The following PCDHA10 variants were observed in gnomAD, a reference collection of about 807,000 sequenced individuals.
PCDHA10 encodes protocadherin alpha 10, also known as protocadherin alpha-10.
Under a neutral mutation model 61.2 loss-of-function variants are expected in PCDHA10, and 45 were observed. The observed-to-expected ratio is 0.74, with a 90% confidence interval of 0.58 to 0.94. The LOEUF (loss-of-function observed/expected upper bound fraction) is 0.94. Ranked by LOEUF, PCDHA10 falls within the 40% of genes least tolerant of loss-of-function variation. The pLI, the probability that PCDHA10 is intolerant of heterozygous loss-of-function variation, is 0.00. For missense variants in PCDHA10, 1,278 were observed against 1,236.2 expected (o/e 1.03, Z -0.51); for synonymous variants, 602 against 548.8 (o/e 1.10, Z -1.35).
chr5:140,886,251 T>A (rs189086759), intron 1 of PCDHA10, among the ~76,000 whole-genome samples: 397 of 152,156 alleles, frequency 2.6e-3, no homozygotes, highest in Non-Finnish European at 4.1e-3. Flanking sequence ...AATAAAAGTA[T>A]CTCTATTTAT....
rs564801749 is a variant in PCDHA10, at chr5:140,919,703, A to G, written c.2389-59246A>G. Among the ~76,000 whole-genome samples the G allele has an allele frequency of 6.4e-4, 98 of 152,318 alleles. No individual in the cohort carries two copies. In the South Asian group the frequency reaches 0.011, roughly 16 times the overall value. ...TCTGCTTCAGATTTATATTAACTTA[A>G]TTCTAGTGAGATATAAATATGTTAC... On this transcript the variant is annotated intron_variant, in intron 1 of 3. Transcript: ENST00000307360.
chr5:141,007,831 C>T (rs1347788424), intron 3 of PCDHA10, among the ~76,000 whole-genome samples: 2 of 152,296 alleles, frequency 1.3e-5, no homozygotes, highest in East Asian at 3.9e-4. Context: ...CAAGTAGCTA[C>T]CCATTAGAGA....
intron 1 of PCDHA10, among the ~76,000 whole-genome samples, chr5:140,905,229 G>A (rs2071688415): frequency 6.6e-6 from 1 of 152,156 alleles, no homozygotes; most frequent in African/African-American, 2.4e-5. Flanking sequence ...TGAGAGATGA[G>A]GATCCAGTTT....
At chr5:140,897,833 C>T (rs1366388258) in intron 1 of PCDHA10, among the ~76,000 whole-genome samples, 14 of 152,138 alleles carry the variant, frequency 9.2e-5, no homozygotes, top group African/African-American at 3.4e-4. Flanking sequence ...TATTTCTCCA[C>T]ATCCTCTCCA....
intron 1 of PCDHA10, chr5:140,861,489 T>C (rs1263329401): frequency 2.0e-6 from 1 of 487,812 alleles, no homozygotes; most frequent in Non-Finnish European, 4.2e-6. Flanking sequence ...TTTTGTGAGT[T>C]CTCTGATAGA....
At chr5:140,930,902 T>C (rs1474835953) in intron 1 of PCDHA10, among the ~76,000 whole-genome samples, 1 of 152,212 alleles carries the variant, frequency 6.6e-6, no homozygotes, top group Non-Finnish European at 1.5e-5. Flanking sequence ...TTTAACTTAC[T>C]TTTCTACTTT....
intron 1 of PCDHA10, chr5:140,927,190 G>A (rs1554204161): frequency 6.2e-7 from 1 of 1,614,156 alleles, no homozygotes; most frequent in South Asian, 1.1e-5. Context: ...CTACGACCTG[G>A]TGCTCGAGGA....
chr5:140,874,929 G>A lies in PCDHA10; in HGVS notation c.2388+16493G>A, dbSNP rs1554167415. Among the ~76,000 whole-genome samples, 6 of 152,304 alleles carry A rather than the reference G, an allele frequency of 3.9e-5. 1 individual carries two copies. On this transcript the variant is annotated intron_variant, in intron 1 of 3. Transcript: ENST00000307360. ...GATGGAGTGCTTGTGAAGGTTAAAA[G>A]TTATTGAAACAGCGGAATTGTAAGC...
chr5:140,980,963 A>T (rs1047334103), intron 2 of PCDHA10, among the ~76,000 whole-genome samples: 8 of 152,224 alleles, frequency 5.3e-5, no homozygotes, highest in African/African-American at 1.9e-4. Context: ...TTACACCTTC[A>T]TGAATCTGAC....
At position 140,875,707 on chromosome 5, in the gene PCDHA10, C is replaced by G. The variant is rs782640816; in HGVS notation, c.2388+17271C>G. ...ACACGGGGACCTTCTGGAGGTAAAT[C>G]TGCAGAATGGCATTTTGTTTGTGAA... On this transcript the variant is annotated intron_variant, in intron 1 of 3. Transcript: ENST00000307360. The G allele has an allele frequency of 6.2e-6, 10 of 1,614,048 alleles. No homozygotes were observed. In the South Asian group the frequency reaches 6.6e-5, roughly 11 times the overall value.
chr5:140,877,949 A>G (rs1554170233), intron 1 of PCDHA10: 1 of 1,348,792 alleles, frequency 7.4e-7, no homozygotes, highest in East Asian at 2.6e-5. Flanking sequence ...AAACTATCGA[A>G]TGTCTCATCT....
At chr5:140,991,026 T>A (rs1003749305) in intron 3 of PCDHA10, among the ~76,000 whole-genome samples, 8 of 152,210 alleles carry the variant, frequency 5.3e-5, no homozygotes, top group Admixed American at 2.0e-4. Context: ...ACTTTACATA[T>A]GTTGCATACT....
intron 3 of PCDHA10, among the ~76,000 whole-genome samples, chr5:140,995,481 T>C (rs190039428): frequency 5.9e-5 from 9 of 152,308 alleles, no homozygotes; most frequent in Admixed American, 5.9e-4. Context: ...CATTTAATAT[T>C]TTCAGACTAA....
At chr5:140,994,720 A>C (rs2097647295) in intron 3 of PCDHA10, among the ~76,000 whole-genome samples, 1 of 152,160 alleles carries the variant, frequency 6.6e-6, no homozygotes. Flanking sequence ...AAAATTTAAA[A>C]TACTGGGTAT....
chr5:141,007,472 G>A (rs2098331789), intron 3 of PCDHA10, among the ~76,000 whole-genome samples: 1 of 151,844 alleles, frequency 6.6e-6, no homozygotes, highest in Non-Finnish European at 1.5e-5. Context: ...GGAGGCTGAG[G>A]CACGAGAATT....
intron 1 of PCDHA10, chr5:140,871,090 A>G (rs782465793): frequency 1.2e-6 from 2 of 1,613,254 alleles, no homozygotes; most frequent in South Asian, 1.1e-5. Flanking sequence ...GGCCACGGCC[A>G]CCGTGCTGGT....
chr5:140,866,357 A>G (rs1397788324), intron 1 of PCDHA10: 1 of 152,156 alleles, frequency 6.6e-6, no homozygotes, highest in Non-Finnish European at 1.5e-5. Flanking sequence ...AATGTTTACA[A>G]TATTGCATAC....
chr5:140,939,851 A>G (rs1313215259), intron 1 of PCDHA10, among the ~76,000 whole-genome samples: 2 of 152,206 alleles, frequency 1.3e-5, no homozygotes, highest in African/African-American at 4.8e-5. Context: ...TGTGTTCTGT[A>G]TATGTCCATT....
intron 1 of PCDHA10, chr5:140,969,506 G>A (rs1262259666): frequency 2.9e-5 from 41 of 1,426,940 alleles, no homozygotes; most frequent in Non-Finnish European, 3.6e-5. Context: ...TAGAAAAATA[G>A]CACTAAAGAA....
Sources: allele counts gnomAD v4.1 joint callset (sites outside exome capture counted in the v4.1 genomes callset), GRCh38; gene constraint gnomAD v4.1.1; transcripts MANE v1.5; gene names NCBI Gene and HGNC (gene_info 2026-07-23, HGNC 2026-07-21).